Variants in VIT observed in about 807,000 individuals in gnomAD.
VIT encodes vitrin.
In VIT, 99 loss-of-function variants were observed where a neutral mutation model predicts 78.0. The ratio of observed to expected loss-of-function variants is 1.27; its 90% CI spans 1.08 to 1.50. VIT has a LOEUF of 1.50. VIT is among the 40% of genes most tolerant of loss of function. The pLI, the probability that VIT is intolerant of heterozygous loss-of-function variation, is 0.00. For missense variants in VIT, 1,126 were observed against 875.3 expected, an observed-to-expected ratio of 1.29 and a Z score of -3.61; for synonymous variants, 374 against 334.3, an observed-to-expected ratio of 1.12 and a Z score of -1.29.
At chr2:36,813,419 A>C (rs1667331340) in intron 15 of VIT, among the ~76,000 whole-genome samples, 1 of 152,156 alleles carries the variant, frequency 6.6e-6, no homozygotes, top group South Asian at 2.1e-4. Flanking sequence ...ATTGCACTCT[A>C]GTCTGGGTGA....
At chr2:36,716,768 G>C (rs533578370) in intron 2 of VIT, among the ~76,000 whole-genome samples, 228 of 151,680 alleles carry the variant, frequency 1.5e-3, no homozygotes, top group African/African-American at 5.3e-3. Flanking sequence ...TAAATTTAAG[G>C]ATCTTCTTAT....
chr2:36,787,303 A>G, intron 12 of VIT, 27 bp downstream of exon 12: 1 of 1,595,550 alleles, frequency 6.3e-7, no homozygotes. Context: ...TTCTGAATCC[A>G]GAAAGGAAGT....
chr2:36,763,980 T>G (rs966786899), intron 6 of VIT, among the ~76,000 whole-genome samples: 9 of 152,036 alleles, frequency 5.9e-5, no homozygotes, highest in African/African-American at 2.2e-4. Context: ...TATGATACAC[T>G]TGAAAGCATC....
chr2:36,745,018 T>C (rs1018114575), intron 4 of VIT, among the ~76,000 whole-genome samples: 1 of 152,162 alleles, frequency 6.6e-6, no homozygotes, highest in African/African-American at 2.4e-5. Context: ...GGATCCAGTT[T>C]CATTCTTTTG....
intron 12 of VIT, among the ~76,000 whole-genome samples, chr2:36,791,287 G>A (rs1047022579): frequency 2.0e-5 from 3 of 152,244 alleles, no homozygotes; most frequent in Middle Eastern, 3.4e-3. Flanking sequence ...CTGAAGACTC[G>A]TGGTCATGCA....
intron 1 of VIT, among the ~76,000 whole-genome samples, chr2:36,710,264 A>T (rs7355709): frequency 6.6e-6 from 1 of 152,004 alleles, no homozygotes; most frequent in African/African-American, 2.4e-5. Context: ...ATATACGCAC[A>T]GGGTAAAGAT....
intron 3 of VIT, among the ~76,000 whole-genome samples, chr2:36,742,515 C>T (rs1172047694): frequency 6.6e-6 from 1 of 152,148 alleles, no homozygotes; most frequent in Admixed American, 6.5e-5. Flanking sequence ...GACCTGTCTT[C>T]CCTGTCCAGA....
chr2:36,735,782 G>A (rs1286355720), intron 3 of VIT, among the ~76,000 whole-genome samples: 3 of 152,182 alleles, frequency 2.0e-5, no homozygotes, highest in African/African-American at 7.2e-5. Context: ...CACTCTTTGG[G>A]CTGAACAAGC....
intron 9 of VIT, 148 bp from the exon 10 acceptor site, chr2:36,781,579 G>A (rs554582561): frequency 1.4e-6 from 1 of 696,374 alleles, no homozygotes; most frequent in Admixed American, 2.9e-5. Context: ...CAGATTTCAG[G>A]TTGCTTCATC....
chr2:36,796,128 AC>A (rs1397673032), intron 12 of VIT, among the ~76,000 whole-genome samples: 6 of 136,732 alleles, frequency 4.4e-5, no homozygotes, highest in African/African-American at 1.6e-4. Flanking sequence ...AAAAAAAAAA[AC>A]ATAGTGGGCA....
At position 36,771,301 on chromosome 2, in the gene VIT, G is replaced by A. The variant is rs188383785; in HGVS notation, c.680-2490G>A. 3.4e-3 allele frequency among the ~76,000 whole-genome samples: 514 copies of A among 152,222 alleles called. 4 individuals are homozygous for A. Among genetic ancestry groups the A allele is most frequent in the African/African-American group, 0.011 (463 of 41,536 alleles). On this transcript the variant is annotated intron_variant, in intron 7 of 15. Coordinates refer to ENST00000379242, the MANE Select transcript of VIT (RefSeq NM_053276.4). ...TCTCAGCACTTTGGGAGGCCAAGGC[G>A]GGCGGATCACGAGGTCAGAAGTTCG...
At chr2:36,752,843 A>C (rs1572475616) in intron 4 of VIT, among the ~76,000 whole-genome samples, 2 of 152,222 alleles carry the variant, frequency 1.3e-5, no homozygotes, top group Admixed American at 6.5e-5. Flanking sequence ...TTGACCCAGC[A>C]ATCCCATTAC....
At chr2:36,792,832 C>A (rs1370671208) in intron 12 of VIT, among the ~76,000 whole-genome samples, 1 of 152,154 alleles carries the variant, frequency 6.6e-6, no homozygotes, top group Non-Finnish European at 1.5e-5. Context: ...CCTTTCTCTG[C>A]CTTTCATTTC....
intron 2 of VIT, among the ~76,000 whole-genome samples, chr2:36,722,829 A>T (rs1037227840): frequency 1.3e-5 from 2 of 152,210 alleles, no homozygotes; most frequent in African/African-American, 2.4e-5. Flanking sequence ...ACTGGAAAAC[A>T]TGAGCACAGA....
intron 11 of VIT, among the ~76,000 whole-genome samples, chr2:36,785,014 T>G (rs1333845294): frequency 1.3e-5 from 2 of 152,194 alleles, no homozygotes; most frequent in African/African-American, 4.8e-5. Context: ...ACGTTAATCC[T>G]GAAAACAATT....
chr2:36,745,264 CT>C (rs1382041078), intron 4 of VIT, among the ~76,000 whole-genome samples: 30 of 152,046 alleles, frequency 2.0e-4, no homozygotes, highest in Admixed American at 1.8e-3. Context: ...CAGCTTTTTT[CT>C]TTTTGCTTAG....
At chr2:36,809,915 C>T (rs967692383) in intron 15 of VIT, among the ~76,000 whole-genome samples, 1 of 147,210 alleles carries the variant, frequency 6.8e-6, no homozygotes, top group African/African-American at 2.6e-5. Flanking sequence ...TACTTGAGCC[C>T]TGGAGTTGGA....
chr2:36,725,248 G>A (rs1461288199), intron 2 of VIT, among the ~76,000 whole-genome samples: 1 of 152,180 alleles, frequency 6.6e-6, no homozygotes, highest in Non-Finnish European at 1.5e-5. Context: ...CATTGGCACA[G>A]GTTAGCTAGT....
At chr2:36,718,009 C>T (rs1420334244) in intron 2 of VIT, among the ~76,000 whole-genome samples, 1 of 152,176 alleles carries the variant, frequency 6.6e-6, no homozygotes, top group Non-Finnish European at 1.5e-5. Context: ...TAATCGCTGC[C>T]TTCATCTTCA....
Sources: allele counts gnomAD v4.1 joint callset (sites outside exome capture counted in the v4.1 genomes callset), GRCh38; gene constraint gnomAD v4.1.1; transcripts MANE v1.5; gene names NCBI Gene and HGNC (gene_info 2026-07-23, HGNC 2026-07-21).